TCERG1L: variants seen among roughly 807,000 people sequenced by gnomAD.
The protein encoded by TCERG1L is transcription elongation regulator 1-like protein.
Under a neutral mutation model 56.3 loss-of-function variants are expected in TCERG1L, and 37 were observed. The observed-to-expected ratio is 0.66, with a 90% CI of 0.51 to 0.87. TCERG1L has a LOEUF of 0.87. Ranked by LOEUF, TCERG1L falls within the 40% of genes least tolerant of loss-of-function variation. The pLI is 0.00. For missense variants in TCERG1L, 799 were observed against 774.2 expected (o/e 1.03, Z -0.38); for synonymous variants, 324 against 326.3 (o/e 0.99, Z 0.08).
Position 131,289,215 on chromosome 10 carries a change from G to A in TCERG1L, c.670+18996C>T, listed in dbSNP as rs1258939985. On this transcript the variant is annotated intron_variant, in intron 3 of 11. Coordinates refer to ENST00000368642, the MANE Select transcript of TCERG1L (RefSeq NM_174937.4). ...TTTCGGAACAGATGGACAAGACAGCGTTATCTTCATTTCGTGAGCGTCACG... is the reference window on the plus strand; with the variant it reads ...TTTCGGAACAGATGGACAAGACAGCATTATCTTCATTTCGTGAGCGTCACG... 1.3e-5 allele frequency among the ~76,000 whole-genome samples: 2 copies of A among 151,202 alleles called. 1 individual carries two copies. Among genetic ancestry groups the A allele is most frequent in the Non-Finnish European group, 2.9e-5 (2 of 67,926 alleles).
intron 4 of TCERG1L, among the ~76,000 whole-genome samples, chr10:131,187,803 A>G (rs992575928): frequency 6.6e-6 from 1 of 152,152 alleles, no homozygotes; most frequent in African/African-American, 2.4e-5. Context: ...CCTACTCGGC[A>G]CTCCATCCTG....
rs2298193 is a variant in TCERG1L at position 131,116,939 on chromosome 10, A to G, written c.1260-5T>C. On this transcript the variant is annotated splice_region_variant and splice_polypyrimidine_tract_variant and intron_variant, in intron 8 of 11. Transcript: ENST00000368642. Reference sequence around the variant, plus strand: ...GGACTCCCGCAGCCTTCGGTCCTTCAGGAACACAAGACGCAGAGTTAGACA... The same window carrying G: ...GGACTCCCGCAGCCTTCGGTCCTTCGGGAACACAAGACGCAGAGTTAGACA... 0.22 allele frequency: 360,911 copies of G among 1,605,228 alleles called. 42,204 individuals carry two copies. The highest frequency in any genetic ancestry group is 0.44 in the East Asian group (19,613 of 44,534).
intron 4 of TCERG1L, among the ~76,000 whole-genome samples, chr10:131,174,326 ACC>A (rs1034491970): frequency 2.6e-5 from 4 of 152,084 alleles, no homozygotes; most frequent in African/African-American, 7.2e-5. Context: ...ACAGGCTGAA[ACC>A]CCACAGTGGG....
chr10:131,285,607 TC>T (rs1846530675), intron 3 of TCERG1L, among the ~76,000 whole-genome samples: 1 of 151,872 alleles, frequency 6.6e-6, no homozygotes, highest in South Asian at 2.1e-4. Flanking sequence ...CAGGGCAGCT[TC>T]ACACAAGAAC....
At chr10:131,119,968 G>T (rs1194502241) in intron 8 of TCERG1L, among the ~76,000 whole-genome samples, 5 of 152,156 alleles carry the variant, frequency 3.3e-5, no homozygotes, top group African/African-American at 1.2e-4. Flanking sequence ...CTTTAACCAG[G>T]CTAGGTGCTC....
intron 4 of TCERG1L, among the ~76,000 whole-genome samples, chr10:131,233,841 G>A (rs1845879740): frequency 1.3e-5 from 2 of 152,182 alleles, no homozygotes; most frequent in Admixed American, 6.5e-5. Flanking sequence ...TGGGTCAGAG[G>A]GGTGGATCCC....
chr10:131,209,761 GATAAA>G (rs1352996869), intron 4 of TCERG1L, among the ~76,000 whole-genome samples: 1 of 152,028 alleles, frequency 6.6e-6, no homozygotes, highest in East Asian at 1.9e-4. Flanking sequence ...TAAAATAAAT[GATAAA>G]ATAAAGCACT....
At position 131,280,110 on chromosome 10, in the gene TCERG1L, C is replaced by A. The variant is rs1408945456; in HGVS notation, c.671-19666G>T. Among the ~76,000 whole-genome samples the A allele has an allele frequency of 5.3e-5, 8 of 152,302 alleles. No homozygotes were observed. The East Asian group carries it at 1.5e-3, about 29-fold the overall frequency. The stretch of plus-strand genomic sequence containing the variant: ...TGACATGTGCCCAGGGTGGTCAGAG[C>A]AGTTTGGTTTTACACATTCTATACA... On this transcript the variant is annotated intron_variant, in intron 3 of 11. Transcript: ENST00000368642.
intron 4 of TCERG1L, among the ~76,000 whole-genome samples, chr10:131,229,388 A>G (rs1845826055): frequency 6.6e-6 from 1 of 152,222 alleles, no homozygotes; most frequent in South Asian, 2.1e-4. Flanking sequence ...AACACCTTCA[A>G]GATCTTTCAG....
At chr10:131,152,028 G>A (rs1434855609) in intron 6 of TCERG1L, among the ~76,000 whole-genome samples, 1 of 152,168 alleles carries the variant, frequency 6.6e-6, no homozygotes, top group Non-Finnish European at 1.5e-5. Flanking sequence ...AGAGCAGGGT[G>A]ACCCTCCTAG....
At chr10:131,102,558 C>T (rs1845314210) in intron 10 of TCERG1L, among the ~76,000 whole-genome samples, 1 of 152,206 alleles carries the variant, frequency 6.6e-6, no homozygotes, top group African/African-American at 2.4e-5. Flanking sequence ...TCAGACTCTG[C>T]TGGTGTGAGA....
intron 8 of TCERG1L, among the ~76,000 whole-genome samples, chr10:131,126,711 C>G (rs982581239): frequency 6.6e-6 from 1 of 152,228 alleles, no homozygotes; most frequent in Non-Finnish European, 1.5e-5. Flanking sequence ...CTTGTGCAGT[C>G]TCCTCATGTG....
At chr10:131,173,609 G>T (rs1002034145) in intron 4 of TCERG1L, among the ~76,000 whole-genome samples, 1 of 152,226 alleles carries the variant, frequency 6.6e-6, no homozygotes, top group Non-Finnish European at 1.5e-5. Context: ...AGATTCACAA[G>T]AGTTGCCAGC....
intron 9 of TCERG1L, among the ~76,000 whole-genome samples, chr10:131,108,720 C>T (rs1443448029): frequency 1.3e-5 from 2 of 152,192 alleles, no homozygotes; most frequent in Admixed American, 6.5e-5. Context: ...GGCTCCTCAG[C>T]CCAGATCCCA....
At chr10:131,216,317 T>C (rs1046516852) in intron 4 of TCERG1L, among the ~76,000 whole-genome samples, 2 of 152,146 alleles carry the variant, frequency 1.3e-5, no homozygotes, top group East Asian at 1.9e-4. Flanking sequence ...CCAGAGCCCA[T>C]AGGCATCACT....
At chr10:131,309,083 T>A in intron 2 of TCERG1L, 70 bp downstream of exon 2, 1 of 1,541,954 alleles carries the variant, frequency 6.5e-7, no homozygotes, top group Non-Finnish European at 8.7e-7. Context: ...GGTATTTTTG[T>A]TGTTATGTCG....
chr10:131,096,920 C>T (rs557596246), intron 11 of TCERG1L, among the ~76,000 whole-genome samples: 1 of 151,084 alleles, frequency 6.6e-6, no homozygotes, highest in South Asian at 2.1e-4. Flanking sequence ...CTGATTCTGG[C>T]TGGGCATGGT....
chr10:131,308,136 G>T, intron 3 of TCERG1L, 75 bp downstream of exon 3: 1 of 1,335,824 alleles, frequency 7.5e-7, no homozygotes, highest in Non-Finnish European at 1.0e-6. Flanking sequence ...GATGAGTATG[G>T]TTTTCATATC....
intron 4 of TCERG1L, among the ~76,000 whole-genome samples, chr10:131,189,438 G>A (rs147824681): frequency 1.1e-4 from 16 of 152,250 alleles, no homozygotes; most frequent in African/African-American, 3.6e-4. Context: ...TATCTGACCC[G>A]CAGTGTCTGG....
Sources: gnomAD v4.1 joint callset for allele counts (sites outside exome capture counted in the v4.1 genomes callset) on GRCh38, gnomAD v4.1.1 for gene constraint, MANE v1.5 for transcripts, NCBI Gene and HGNC (gene_info 2026-07-23, HGNC 2026-07-21) for gene names.